DNAH14: variants seen among roughly 807,000 people sequenced by gnomAD.
DNAH14 encodes the protein dynein axonemal heavy chain 14.
Under a neutral mutation model 520.9 loss-of-function variants are expected in DNAH14, and 478 were observed. That is an observed-to-expected ratio of 0.92 (90% CI 0.85 to 0.99). The LOEUF (loss-of-function observed/expected upper bound fraction) is 0.99. DNAH14 is among the 50% of genes least tolerant of loss of function. The probability of loss-of-function intolerance (pLI) is 0.00; values close to 1 mark genes in which losing one functional copy is unlikely to be tolerated. For synonymous variants in DNAH14, 1,581 were observed against 1,757.2 expected (o/e 0.90, Z 2.51); for missense variants, 4,831 against 5,234.5 (o/e 0.92, Z 2.38).
intron 57 of DNAH14, among the ~76,000 whole-genome samples, chr1:225,304,320 G>A (rs1318313444): frequency 6.6e-6 from 1 of 152,146 alleles, no homozygotes. Context: ...CAGTTTGGGA[G>A]GCAAGGCAGG....
At chr1:225,091,884 A>G (rs889040387) in intron 21 of DNAH14, among the ~76,000 whole-genome samples, 1 of 152,126 alleles carries the variant, frequency 6.6e-6, no homozygotes, top group Non-Finnish European at 1.5e-5. Flanking sequence ...AAAATCTACC[A>G]AGAAAACAGG....
At chr1:224,978,535 T>C (rs1054253073) in intron 8 of DNAH14, among the ~76,000 whole-genome samples, 2 of 152,038 alleles carry the variant, frequency 1.3e-5, no homozygotes, top group African/African-American at 4.8e-5. Flanking sequence ...TAGAGAGAGG[T>C]TGGTTAACAG....
chr1:225,256,583 C>T (rs2092745067), intron 44 of DNAH14, among the ~76,000 whole-genome samples: 1 of 151,838 alleles, frequency 6.6e-6, no homozygotes, highest in Admixed American at 6.6e-5. Context: ...AAAAGCATGC[C>T]ATGTTCTTGG....
chr1:225,168,126 G>A (rs897642241), intron 36 of DNAH14, 98 bp downstream of exon 36: 1 of 722,860 alleles, frequency 1.4e-6, no homozygotes, highest in Non-Finnish European at 2.2e-6. Flanking sequence ...AGCTGTTACA[G>A]GTATAATTTT....
Position 225,260,446 on chromosome 1 carries a change from A to G in DNAH14, c.7157+1193A>G, listed in dbSNP as rs1213501543. On this transcript the variant is annotated intron_variant, in intron 46 of 85. Transcript: ENST00000682510. Reference sequence around the variant, plus strand: ...AATGCTGCAATGAACACAGGAGTGCAGAATAGCCAAAGCAATTGATTGTAA... The same window carrying G: ...AATGCTGCAATGAACACAGGAGTGCGGAATAGCCAAAGCAATTGATTGTAA... Among the ~76,000 whole-genome samples the G allele has an allele frequency of 3.9e-5, 6 of 152,134 alleles. No individual in the cohort carries two copies. The South Asian group carries it at 1.2e-3, about 32-fold the overall frequency.
intron 17 of DNAH14, among the ~76,000 whole-genome samples, chr1:225,073,169 T>C (rs922537368): frequency 2.0e-5 from 3 of 151,930 alleles, no homozygotes; most frequent in African/African-American, 4.8e-5. Context: ...ACAGGATGAA[T>C]AGGAATGGGG....
intron 37 of DNAH14, among the ~76,000 whole-genome samples, chr1:225,191,910 C>T (rs2085488352): frequency 1.3e-5 from 2 of 151,920 alleles, no homozygotes; most frequent in African/African-American, 2.4e-5. Flanking sequence ...TTTATAATTT[C>T]TGTATCTTTA....
intron 28 of DNAH14, among the ~76,000 whole-genome samples, chr1:225,143,347 A>G (rs16844347): frequency 0.081 from 12,333 of 152,214 alleles, 1,615 homozygotes; most frequent in African/African-American, 0.28. Flanking sequence ...TCTTGTGGAT[A>G]TATGCTCTCT....
At chr1:225,094,656 C>CAAAAA (rs760828776) in intron 21 of DNAH14, among the ~76,000 whole-genome samples, 101 of 77,578 alleles carry the variant, frequency 1.3e-3, no homozygotes, top group Non-Finnish European at 2.0e-3. Context: ...TTCTGCACAG[C>CAAAAA]AAAAAAAAAA....
In DNAH14 at chr1:225,366,810, T is replaced by TCC. The variant is rs35955628; in HGVS notation, c.12091-992_12091-991dup. 8.1e-3 allele frequency among the ~76,000 whole-genome samples: 1,235 copies of TCC among 151,868 alleles called. 12 individuals carry two copies. Among genetic ancestry groups the TCC allele is most frequent in the African/African-American group, 0.02 (834 of 41,442 alleles). Reference sequence around the variant, plus strand: ...GTAAAAACCTAGAGACCTCCTCTTTTCCCCGAGAAGATTTGTTTACATTCC... The same window carrying TCC: ...GTAAAAACCTAGAGACCTCCTCTTTTCCCCCCGAGAAGATTTGTTTACATTCC... On this transcript the variant is annotated intron_variant, in intron 76 of 85. Transcript: ENST00000682510.
At chr1:225,299,914 C>T (rs2094105874) in intron 55 of DNAH14, among the ~76,000 whole-genome samples, 1 of 152,186 alleles carries the variant, frequency 6.6e-6, no homozygotes, top group Non-Finnish European at 1.5e-5. Flanking sequence ...TGCCCTTCCC[C>T]ACCTGAACTG....
intron 23 of DNAH14, among the ~76,000 whole-genome samples, chr1:225,107,892 A>C (rs958128174): frequency 2.0e-5 from 3 of 152,212 alleles, no homozygotes; most frequent in African/African-American, 7.2e-5. Flanking sequence ...CCTGATGATC[A>C]GTGATAATAA....
At chr1:225,130,138 A>G (rs979149284) in intron 27 of DNAH14, among the ~76,000 whole-genome samples, 6 of 152,244 alleles carry the variant, frequency 3.9e-5, no homozygotes, top group Non-Finnish European at 8.8e-5. Context: ...CACACCAGTT[A>G]GAATGGCAAT....
chr1:225,078,834 CTCTCTCT>C (rs2072684268), intron 17 of DNAH14, among the ~76,000 whole-genome samples: 1 of 56,140 alleles, frequency 1.8e-5, no homozygotes, highest in Non-Finnish European at 4.0e-5. Flanking sequence ...CCCTCTCTCT[CTCTCTCT>C]CCCTCTCTCT....
At chr1:225,037,051 T>C (rs565354381) in intron 11 of DNAH14, among the ~76,000 whole-genome samples, 1 of 152,308 alleles carries the variant, frequency 6.6e-6, no homozygotes, top group African/African-American at 2.4e-5. Flanking sequence ...ACTCCTCTTT[T>C]ATGGTTTCCA....
At chr1:225,187,346 T>C (rs1382941153) in intron 37 of DNAH14, among the ~76,000 whole-genome samples, 1 of 151,872 alleles carries the variant, frequency 6.6e-6, no homozygotes, top group African/African-American at 2.4e-5. Flanking sequence ...TGGAAGCCAC[T>C]AATTGGCTTT....
At chr1:224,997,434 T>TGTTTG (rs374639594) in intron 8 of DNAH14, among the ~76,000 whole-genome samples, 1 of 150,374 alleles carries the variant, frequency 6.7e-6, no homozygotes, top group South Asian at 2.1e-4. Flanking sequence ...GCAGGTTTTT[T>TGTTTG]TTTGTTTGTT....
intron 27 of DNAH14, among the ~76,000 whole-genome samples, chr1:225,129,515 A>T (rs12074477): frequency 2.0e-5 from 3 of 152,196 alleles, no homozygotes; most frequent in South Asian, 2.1e-4. Context: ...ATAATGCCGC[A>T]TATCTACAAC....
intron 39 of DNAH14, among the ~76,000 whole-genome samples, chr1:225,204,976 A>G (rs2087337297): frequency 6.6e-6 from 1 of 152,052 alleles, no homozygotes; most frequent in Non-Finnish European, 1.5e-5. Context: ...TTGTCAGAGC[A>G]CCTCTTAGCA....
Sources: allele counts gnomAD v4.1 joint callset (sites outside exome capture counted in the v4.1 genomes callset), GRCh38; gene constraint gnomAD v4.1.1; transcripts MANE v1.5; gene names NCBI Gene and HGNC (gene_info 2026-07-23, HGNC 2026-07-21).